The following KALRN variants were observed in gnomAD, a reference collection of about 807,000 sequenced individuals.
The protein encoded by KALRN is kalirin.
A neutral mutation model predicts 353.7 loss-of-function variants in KALRN; 70 were observed. That is an observed-to-expected ratio of 0.20 (90% CI 0.16 to 0.24). KALRN has a LOEUF of 0.24. KALRN is among the 10% of genes least tolerant of loss of function. The pLI is 1.00. For missense variants in KALRN, 2,791 were observed against 3,756.7 expected (o/e 0.74, Z 6.72); for synonymous variants, 1,391 against 1,434.8 (o/e 0.97, Z 0.69).
At chr3:124,277,996 A>ATGTGTGTGTG (rs3054178) in intron 5 of KALRN, among the ~76,000 whole-genome samples, 21,908 of 146,000 alleles carry the variant, frequency 0.15, 1,966 homozygotes, top group Middle Eastern at 0.23. Context: ...GAGATGAACT[A>ATGTGTGTGTG]TGTGTGTGTG....
intron 23 of KALRN, among the ~76,000 whole-genome samples, chr3:124,456,952 A>G (rs565400310): frequency 2.6e-5 from 4 of 152,244 alleles, no homozygotes; most frequent in Non-Finnish European, 5.9e-5. Flanking sequence ...GTAACTTCCT[A>G]GACAAACCCT....
rs371545252 is a variant in KALRN at position 124,637,371 on chromosome 3, T to TC, written c.5664+69dup. The TC allele has an allele frequency of 1.4e-4, 160 of 1,127,162 alleles. No homozygotes were observed. The African/African-American group carries it at 2.4e-3, about 17-fold the overall frequency. The allele number at this position is 1,127,162 out of a possible 1,614,324, so 69.8% of individuals were successfully genotyped here. A position where few individuals can be genotyped will look rare whatever the true frequency, so the allele number is the denominator to read the frequency against. On this transcript the variant is annotated intron_variant, in intron 37 of 59. Transcript: ENST00000682506. ...TCACACTGCTCCAGGCTTGCATCTG[T>TC]CTGCCGTTTTCTCCTTTGCACCTGT...
At chr3:124,708,891 TATTAC>T (rs1370672439) in intron 57 of KALRN, among the ~76,000 whole-genome samples, 3 of 151,674 alleles carry the variant, frequency 2.0e-5, no homozygotes, top group Admixed American at 6.6e-5. Flanking sequence ...AAAAACAACA[TATTAC>T]ATTTAGGTAG....
chr3:124,385,079 G>A (rs766019862), intron 11 of KALRN, 43 bp downstream of exon 11: 2 of 1,516,502 alleles, frequency 1.3e-6, no homozygotes, highest in Admixed American at 1.9e-5. Flanking sequence ...TCCTGCCAGG[G>A]TCAGGTCGGC....
intron 38 of KALRN, among the ~76,000 whole-genome samples, chr3:124,652,631 C>T (rs1396020511): frequency 6.6e-6 from 1 of 152,116 alleles, no homozygotes; most frequent in Non-Finnish European, 1.5e-5. Context: ...GGCCAGAGTG[C>T]AGTGGCACTA....
intron 28 of KALRN, among the ~76,000 whole-genome samples, chr3:124,483,313 G>A (rs1476272555): frequency 6.6e-6 from 1 of 152,184 alleles, no homozygotes; most frequent in South Asian, 2.1e-4. Context: ...CACTTTGGGA[G>A]GCTGAGATGG....
chr3:124,607,313 A>AGC (rs2077449562), intron 34 of KALRN, among the ~76,000 whole-genome samples: 4 of 86,024 alleles, frequency 4.6e-5, no homozygotes, highest in African/African-American at 2.6e-4. Flanking sequence ...ACATAGTATA[A>AGC]ACATTGTGCA....
intron 33 of KALRN, among the ~76,000 whole-genome samples, chr3:124,557,087 T>G (rs548309333): frequency 6.6e-6 from 1 of 152,222 alleles, no homozygotes; most frequent in Non-Finnish European, 1.5e-5. Flanking sequence ...AATTTCAACT[T>G]CCATGTTAGA....
At chr3:124,580,728 G>A (rs2074544267) in intron 34 of KALRN, among the ~76,000 whole-genome samples, 1 of 152,118 alleles carries the variant, frequency 6.6e-6, no homozygotes, top group African/African-American at 2.4e-5. Context: ...ACCTAGAACA[G>A]AGCCTGACAC....
chr3:124,489,013 C>A (rs927068458), intron 29 of KALRN: 3 of 152,164 alleles, frequency 2.0e-5, no homozygotes, highest in African/African-American at 4.8e-5. Flanking sequence ...GTGGGCAGAG[C>A]AGCCATACTG....
intron 33 of KALRN, among the ~76,000 whole-genome samples, chr3:124,536,149 G>A (rs1380457513): frequency 6.6e-6 from 1 of 151,244 alleles, no homozygotes; most frequent in Non-Finnish European, 1.5e-5. Context: ...AGAAGTAAGG[G>A]CACGATGGAC....
chr3:124,418,776 A>G (rs1284397183), intron 14 of KALRN, among the ~76,000 whole-genome samples: 2 of 152,208 alleles, frequency 1.3e-5, no homozygotes, highest in Non-Finnish European at 2.9e-5. Flanking sequence ...TGAGTGTAGC[A>G]GAAGGAATAT....
intron 1 of KALRN, among the ~76,000 whole-genome samples, chr3:124,146,849 C>A (rs1465847708): frequency 9.4e-6 from 1 of 106,700 alleles, no homozygotes; most frequent in East Asian, 3.3e-4. Flanking sequence ...TGCACTCCAG[C>A]CTGGGCAATA....
intron 2 of KALRN, among the ~76,000 whole-genome samples, chr3:124,232,757 C>G (rs1031674269): frequency 2.8e-4 from 43 of 152,244 alleles, no homozygotes; most frequent in African/African-American, 1.0e-3. Flanking sequence ...TCTAACTCCT[C>G]CTTCCCTTCC....
At chr3:124,045,341 A>G (rs767865773) in intron 1 of KALRN, among the ~76,000 whole-genome samples, 7 of 152,356 alleles carry the variant, frequency 4.6e-5, no homozygotes, top group African/African-American at 1.2e-4. Context: ...ACAAAACACC[A>G]TAGGGAGTAA....
At chr3:124,685,838 G>A (rs181939400) in intron 51 of KALRN, among the ~76,000 whole-genome samples, 30 of 152,148 alleles carry the variant, frequency 2.0e-4, no homozygotes, top group African/African-American at 6.3e-4. Flanking sequence ...GGCCTAACCC[G>A]TTTCGTTTAC....
At chr3:124,373,402 T>A (rs973171296) in intron 10 of KALRN, among the ~76,000 whole-genome samples, 2 of 152,192 alleles carry the variant, frequency 1.3e-5, no homozygotes, top group Non-Finnish European at 2.9e-5. Flanking sequence ...CTGCTAAGCA[T>A]TCTACAGTGC....
At chr3:124,680,210 G>A (rs1478295694) in intron 51 of KALRN, among the ~76,000 whole-genome samples, 1 of 152,256 alleles carries the variant, frequency 6.6e-6, no homozygotes, top group Non-Finnish European at 1.5e-5. Context: ...GAGATGGTGA[G>A]ATGGAAACAC....
chr3:124,717,871 G>A (rs1430592366), intron 59 of KALRN, among the ~76,000 whole-genome samples: 1 of 151,974 alleles, frequency 6.6e-6, no homozygotes, highest in African/African-American at 2.4e-5. Context: ...AAGTGCAGTG[G>A]TGCGATCTCG....
Sources: allele counts gnomAD v4.1 joint callset (sites outside exome capture counted in the v4.1 genomes callset), GRCh38; gene constraint gnomAD v4.1.1; transcripts MANE v1.5; gene names NCBI Gene and HGNC (gene_info 2026-07-23, HGNC 2026-07-21).